Variants in SVOP observed in about 807,000 individuals in gnomAD.
SVOP encodes the protein synaptic vesicle 2-related protein.
Under a neutral mutation model 69.1 loss-of-function variants are expected in SVOP, and 17 were observed. That is an observed-to-expected ratio of 0.25 (90% CI 0.17 to 0.37). SVOP has a LOEUF of 0.37. Among genes scored for constraint, SVOP ranks in the 10% least tolerant of loss-of-function variants. The probability of loss-of-function intolerance (pLI) is 1.00; values close to 1 mark genes in which losing one functional copy is unlikely to be tolerated. For missense variants in SVOP, 435 were observed against 597.5 expected (o/e 0.73, Z 2.84); for synonymous variants, 238 against 238.6 (o/e 1.00, Z 0.02).
At chr12:108,982,866 T>A (rs959313741) in intron 2 of SVOP, among the ~76,000 whole-genome samples, 1 of 143,916 alleles carries the variant, frequency 6.9e-6, no homozygotes, top group Non-Finnish European at 1.5e-5. Context: ...ATCACCACCA[T>A]CATCATCATC....
At chr12:108,924,516 A>G (rs944467489) in intron 11 of SVOP, among the ~76,000 whole-genome samples, 1 of 152,072 alleles carries the variant, frequency 6.6e-6, no homozygotes, top group Non-Finnish European at 1.5e-5. Context: ...TCAGCTGTTC[A>G]ACCTTCAAAA....
intron 12 of SVOP, among the ~76,000 whole-genome samples, 173 bp downstream of exon 12, chr12:108,922,517 A>G (rs1441616279): frequency 6.6e-6 from 1 of 152,220 alleles, no homozygotes; most frequent in African/African-American, 2.4e-5. Flanking sequence ...GTAGGGTAAC[A>G]TCTCAGCCCC....
At chr12:109,010,127 C>CA (rs11311870) in intron 1 of SVOP, among the ~76,000 whole-genome samples, 54,490 of 118,700 alleles carry the variant, frequency 0.46, 12,123 homozygotes, top group African/African-American at 0.52. Flanking sequence ...CTCTCTCTCT[C>CA]AAAAAAAAAA....
At chr12:108,958,459 C>G (rs140391973) in intron 6 of SVOP, among the ~76,000 whole-genome samples, 1 of 152,038 alleles carries the variant, frequency 6.6e-6, no homozygotes, top group African/African-American at 2.4e-5. Flanking sequence ...TAGGCTATAC[C>G]GTATAGCCTA....
At chr12:108,950,336 C>G (rs901740812) in intron 6 of SVOP, among the ~76,000 whole-genome samples, 2 of 151,236 alleles carry the variant, frequency 1.3e-5, no homozygotes, top group Non-Finnish European at 2.9e-5. Flanking sequence ...GCATTTGCCT[C>G]CCAAAGTGCT....
At chr12:108,968,260 C>T (rs1438187828) in intron 5 of SVOP, among the ~76,000 whole-genome samples, 1 of 152,222 alleles carries the variant, frequency 6.6e-6, no homozygotes, top group African/African-American at 2.4e-5. Flanking sequence ...CTGGGGCCAA[C>T]TCAGTGAACA....
rs535899418 is a variant in SVOP at position 108,918,566 on chromosome 12, C to T, written c.1269-442G>A. On this transcript the variant is annotated intron_variant, in intron 13 of 15. Coordinates refer to ENST00000610966, the MANE Select transcript of SVOP (RefSeq NM_018711.5). Reference sequence around the variant, plus strand: ...TCCCAGAACACTAACATTTCAGGGTCGAAGCTACATCTCCCAATCTTCCTC... The same window carrying T: ...TCCCAGAACACTAACATTTCAGGGTTGAAGCTACATCTCCCAATCTTCCTC... Among the ~76,000 whole-genome samples the T allele has an allele frequency of 6.6e-5, 10 of 152,272 alleles. No homozygotes were observed. In the South Asian group the frequency reaches 1.9e-3, roughly 28 times the overall value.
intron 6 of SVOP, among the ~76,000 whole-genome samples, chr12:108,960,054 C>T (rs971043765): frequency 2.0e-5 from 3 of 152,160 alleles, no homozygotes; most frequent in Non-Finnish European, 4.4e-5. Context: ...CAGCACCTGC[C>T]ACATAGTTAA....
chr12:108,996,062 CATT>C (rs1356987922), intron 1 of SVOP, among the ~76,000 whole-genome samples: 1 of 152,016 alleles, frequency 6.6e-6, no homozygotes, highest in Admixed American at 6.6e-5. Flanking sequence ...TGTTGAGGCT[CATT>C]ATTAAATGTG....
intron 8 of SVOP, 122 bp downstream of exon 8, chr12:108,940,662 G>A: frequency 7.1e-7 from 1 of 1,407,914 alleles, no homozygotes; most frequent in Non-Finnish European, 9.4e-7. Flanking sequence ...CTCATTTCCT[G>A]ATTTAAAAAA....
rs902874856 is a variant in SVOP at position 108,907,975 on chromosome 12, C to A, written c.*4560G>T. On this transcript the variant is annotated 3_prime_UTR_variant, in exon 16 of 16. Transcript: ENST00000610966. The stretch of plus-strand genomic sequence containing the variant: ...AAAGGGCAGGCCAATGCCACCGTGT[C>A]TGTACCTCTCCACCACTTCTTCCTG... 1.3e-5 allele frequency: 2 copies of A among 152,308 alleles called. No homozygotes were observed. Among genetic ancestry groups the A allele is most frequent in the Admixed American group, 1.3e-4 (2 of 15,288 alleles). The allele number at this position is 152,308 out of a possible 1,614,324, so 9.4% of individuals were successfully genotyped here. A position where few individuals can be genotyped will look rare whatever the true frequency, so the allele number is the denominator to read the frequency against.
chr12:108,927,589 CTTTTT>C (rs10679632), intron 11 of SVOP, among the ~76,000 whole-genome samples: 130 of 131,222 alleles, frequency 9.9e-4, no homozygotes, highest in East Asian at 1.5e-3. Context: ...CTCTCTCTCT[CTTTTT>C]TTTTTTTTTT....
chr12:108,971,460 C>T (rs1390316758), intron 5 of SVOP, among the ~76,000 whole-genome samples: 1 of 151,314 alleles, frequency 6.6e-6, no homozygotes, highest in East Asian at 2.0e-4. Context: ...TGTCAGTTTG[C>T]TTGCCCAAGA....
At position 108,940,820 on chromosome 12, in the gene SVOP, T is replaced by C; in HGVS notation, c.732A>G (p.Ser244=). ...CGGCAAAGAGGAGGAGCGGGACAGC[T>C]GAGAGGATGAGCAGCCAACGCCAGC... ...SLGWRWLLIL[S]AVPLLLFAVL... Residue 244 remains serine, a synonymous_variant, in exon 8 of 16, where the codon TCA becomes TCG. Transcript: ENST00000610966. The C allele has an allele frequency of 6.5e-7, 1 of 1,537,076 alleles. No homozygotes were observed. The highest frequency in any genetic ancestry group is 1.2e-5 in the South Asian group (1 of 84,058).
intron 2 of SVOP, among the ~76,000 whole-genome samples, chr12:108,979,797 CT>C (rs1287078939): frequency 6.6e-6 from 1 of 151,498 alleles, no homozygotes; most frequent in Non-Finnish European, 1.5e-5. Flanking sequence ...TGTCTGAATG[CT>C]TTCCAAATAA....
chr12:108,971,033 A>G (rs2040075740), intron 5 of SVOP, among the ~76,000 whole-genome samples: 1 of 151,810 alleles, frequency 6.6e-6, no homozygotes, highest in African/African-American at 2.4e-5. Context: ...AACAAAAGAA[A>G]CAGTGATTTA....
At position 109,020,966 on chromosome 12, in the gene SVOP, C is replaced by T; in HGVS notation, c.-98G>A. 1 of 656,006 alleles carries T rather than the reference C, an allele frequency of 1.5e-6. No individual in the cohort carries two copies. The highest frequency in any genetic ancestry group is 2.8e-6 in the Non-Finnish European group (1 of 351,740). 40.6% of individuals were successfully genotyped at this position (656,006 alleles called of 1,614,324 possible). A position where few individuals can be genotyped will look rare whatever the true frequency, so the allele number is the denominator to read the frequency against. ...TTCAGCACCGGGAAGCTGGACAGCA[C>T]CCGCGCCGCTTCCTCCCTGGAGCAG... is the stretch of plus-strand genomic sequence containing the variant. On this transcript the variant is annotated 5_prime_UTR_variant, in exon 1 of 16. It adds an upstream start codon to the 5' untranslated region. Coordinates refer to ENST00000610966, the MANE Select transcript of SVOP (RefSeq NM_018711.5).
chr12:108,970,967 A>G (rs189033329), intron 5 of SVOP, among the ~76,000 whole-genome samples: 1 of 152,258 alleles, frequency 6.6e-6, no homozygotes, highest in Admixed American at 6.5e-5. Context: ...GCAGTTAGCT[A>G]TGATTGCACC....
intron 11 of SVOP, among the ~76,000 whole-genome samples, chr12:108,927,907 C>CTTT (rs112012603): frequency 3.7e-5 from 5 of 135,570 alleles, no homozygotes; most frequent in Admixed American, 7.5e-5. Flanking sequence ...ACAAAAAACT[C>CTTT]TTTTTTTTTT....
Sources: allele counts gnomAD v4.1 joint callset (sites outside exome capture counted in the v4.1 genomes callset), GRCh38; gene constraint gnomAD v4.1.1; transcripts MANE v1.5; gene names NCBI Gene and HGNC (gene_info 2026-07-23, HGNC 2026-07-21).